AFAP1L2: variants seen among roughly 807,000 people sequenced by gnomAD.
AFAP1L2 encodes actin filament associated protein 1 like 2, also known as actin filament-associated protein 1-like 2.
AFAP1L2 carries 46 observed loss-of-function variants against 99.3 expected under a neutral mutation model. The ratio of observed to expected loss-of-function variants is 0.46; its 90% CI spans 0.37 to 0.59. The LOEUF (loss-of-function observed/expected upper bound fraction) is 0.59. AFAP1L2 is among the 20% of genes least tolerant of loss of function. The pLI is 0.00. For synonymous variants in AFAP1L2, 397 were observed against 419.1 expected, an observed-to-expected ratio of 0.95 and a Z score of 0.64; for missense variants, 959 against 1,034.9, an observed-to-expected ratio of 0.93 and a Z score of 1.01.
In AFAP1L2 at chr10:114,323,154, C is replaced by A. The variant is rs745354858; in HGVS notation, c.406+17G>T. 2 of 1,576,378 alleles carry A rather than the reference C, an allele frequency of 1.3e-6. No individual in the cohort carries two copies. Among genetic ancestry groups the A allele is most frequent in the Non-Finnish European group, 1.7e-6 (2 of 1,159,104 alleles). On this transcript the variant is annotated intron_variant, in intron 5 of 18. Coordinates refer to ENST00000304129, the MANE Select transcript of AFAP1L2 (RefSeq NM_001001936.3). Reference sequence around the variant, plus strand: ...AGCAGTAAGTCACCCTCCCAAGCCCCAGCCGCTGGGATGTACCATTGAGGG... The same window carrying A: ...AGCAGTAAGTCACCCTCCCAAGCCCAAGCCGCTGGGATGTACCATTGAGGG...
downstream of AFAP1L2, chr10:114,289,834 C>A: frequency 2.7e-6 from 1 of 373,936 alleles, no homozygotes; most frequent in Non-Finnish European, 5.0e-6. Context: ...TGACAGAGCC[C>A]AGAGCAAACA....
rs373912347 is a variant in AFAP1L2, at chr10:114,379,482, T to A, written c.16+24958A>T. 3.1e-4 allele frequency among the ~76,000 whole-genome samples: 47 copies of A among 152,034 alleles called. No homozygotes were observed. The East Asian group carries it at 8.5e-3, about 28-fold the overall frequency. Reference sequence around the variant, plus strand: ...AAAAATAATAATAATAAAGAATGAGTCACCCACCACCAGATGGAATAGTTA... The same window carrying A: ...AAAAATAATAATAATAAAGAATGAGACACCCACCACCAGATGGAATAGTTA... On this transcript the variant is annotated intron_variant, in intron 1 of 18. Transcript: ENST00000304129.
At chr10:114,324,787 G>A (rs1159773664) in intron 4 of AFAP1L2, among the ~76,000 whole-genome samples, 3 of 152,198 alleles carry the variant, frequency 2.0e-5, no homozygotes, top group South Asian at 4.1e-4. Context: ...ATGGAAGGAC[G>A]CTGCAGTGCC....
chr10:114,360,378 G>A (rs74157593), intron 1 of AFAP1L2, among the ~76,000 whole-genome samples: 2,043 of 152,230 alleles, frequency 0.013, 29 homozygotes, highest in African/African-American at 0.043. Flanking sequence ...TAGGTTTCTA[G>A]CTTGCCAGCC....
intron 1 of AFAP1L2, chr10:114,362,981 C>T (rs531654255): frequency 1.0e-6 from 1 of 985,380 alleles, no homozygotes; most frequent in African/African-American, 1.7e-5. Context: ...GGGGAATTCC[C>T]TGGTGGCAGC....
At chr10:114,350,322 C>T (rs1355934749) in intron 1 of AFAP1L2, among the ~76,000 whole-genome samples, 2 of 152,188 alleles carry the variant, frequency 1.3e-5, no homozygotes, top group African/African-American at 2.4e-5. Flanking sequence ...ACGATTCAGC[C>T]GTCTTTATTG....
At chr10:114,357,063 G>A (rs2051490492) in intron 1 of AFAP1L2, among the ~76,000 whole-genome samples, 1 of 152,192 alleles carries the variant, frequency 6.6e-6, no homozygotes, top group Non-Finnish European at 1.5e-5. Flanking sequence ...GTATCACAGA[G>A]TTTTGAGTTG....
At chr10:114,327,173 A>ATATATATATATATATATATT (rs1491191152) in intron 4 of AFAP1L2, among the ~76,000 whole-genome samples, 1 of 18,698 alleles carries the variant, frequency 5.3e-5, no homozygotes, top group African/African-American at 1.1e-4. Flanking sequence ...ATATATATAT[A>ATATATATATATATATATATT]TTTTTTTTTT....
intron 5 of AFAP1L2, among the ~76,000 whole-genome samples, chr10:114,319,315 G>C (rs1009765731): frequency 6.7e-6 from 1 of 150,020 alleles, no homozygotes; most frequent in Admixed American, 6.7e-5. Context: ...GTGGAACTGA[G>C]GGCAGAACAG....
intron 4 of AFAP1L2, among the ~76,000 whole-genome samples, chr10:114,328,931 A>G (rs923457410): frequency 6.6e-6 from 1 of 152,174 alleles, no homozygotes; most frequent in Non-Finnish European, 1.5e-5. Flanking sequence ...ACCAGGTGGG[A>G]CCTAGCCAGG....
chr10:114,337,175 G>T (rs1456369006), intron 2 of AFAP1L2, among the ~76,000 whole-genome samples: 1 of 152,250 alleles, frequency 6.6e-6, no homozygotes, highest in African/African-American at 2.4e-5. Flanking sequence ...ATGGAGCAGG[G>T]GGAGATAAGG....
chr10:114,351,808 A>T (rs2050542853), intron 1 of AFAP1L2, among the ~76,000 whole-genome samples: 1 of 152,112 alleles, frequency 6.6e-6, no homozygotes, highest in Non-Finnish European at 1.5e-5. Flanking sequence ...TGGGTTCTTG[A>T]TCTTGCAAGA....
downstream of AFAP1L2, among the ~76,000 whole-genome samples, chr10:114,290,695 AGGC>A (rs2039500949): frequency 6.6e-6 from 1 of 150,926 alleles, no homozygotes; most frequent in East Asian, 1.9e-4. Context: ...ACTAGGAGGG[AGGC>A]CACAGTTAGG....
intron 1 of AFAP1L2, among the ~76,000 whole-genome samples, chr10:114,398,290 T>C (rs963225544): frequency 6.6e-6 from 1 of 152,180 alleles, no homozygotes; most frequent in African/African-American, 2.4e-5. Flanking sequence ...GCTCTACACA[T>C]AACAAATGAG....
downstream of AFAP1L2, chr10:114,290,352 C>T (rs62641660): frequency 1.2e-4 from 192 of 1,550,534 alleles, no homozygotes; most frequent in Non-Finnish European, 1.6e-4. Context: ...GGGAGGGCCC[C>T]CACTGCGAGA....
intron 11 of AFAP1L2, among the ~76,000 whole-genome samples, chr10:114,303,349 C>T (rs958708865): frequency 5.3e-5 from 8 of 152,148 alleles, no homozygotes; most frequent in Non-Finnish European, 1.0e-4. Context: ...GTTCTGTCGC[C>T]CAGGCTGGAG....
intron 2 of AFAP1L2, among the ~76,000 whole-genome samples, chr10:114,334,195 A>G (rs774320551): frequency 3.3e-5 from 5 of 152,188 alleles, no homozygotes; most frequent in Non-Finnish European, 7.3e-5. Flanking sequence ...CTTTAAAACC[A>G]CTTCTGTGCA....
intron 1 of AFAP1L2, among the ~76,000 whole-genome samples, chr10:114,356,621 C>G (rs1165293263): frequency 6.6e-6 from 1 of 152,108 alleles, no homozygotes; most frequent in Middle Eastern, 3.2e-3. Flanking sequence ...AACATCAGAG[C>G]ATTTTTAAAA....
chr10:114,349,697 G>A (rs546297628), intron 1 of AFAP1L2, among the ~76,000 whole-genome samples: 4 of 151,418 alleles, frequency 2.6e-5, no homozygotes, highest in South Asian at 2.1e-4. Flanking sequence ...AAAGCAGACT[G>A]TAGTCATTTC....
Sources: allele counts gnomAD v4.1 joint callset (sites outside exome capture counted in the v4.1 genomes callset), GRCh38; gene constraint gnomAD v4.1.1; transcripts MANE v1.5; gene names NCBI Gene and HGNC (gene_info 2026-07-23, HGNC 2026-07-21).